The following NOL4 variants were observed in gnomAD, a reference collection of about 807,000 sequenced individuals.
NOL4 encodes nucleolar protein 4.
NOL4 carries 17 observed loss-of-function variants against 75.9 expected under a neutral mutation model. That is an observed-to-expected ratio of 0.22 (90% CI 0.15 to 0.34). NOL4 has a LOEUF of 0.34. Ranked by LOEUF, NOL4 falls within the 10% of genes least tolerant of loss-of-function variation. The probability of loss-of-function intolerance (pLI) is 1.00; values close to 1 mark genes in which losing one functional copy is unlikely to be tolerated. For synonymous variants in NOL4, 292 were observed against 289.9 expected (o/e 1.01, Z -0.07); for missense variants, 614 against 793.5 (o/e 0.77, Z 2.72).
chr18:34,212,499 G>A (rs975790398), intron 1 of NOL4, among the ~76,000 whole-genome samples: 1 of 152,086 alleles, frequency 6.6e-6, no homozygotes, highest in Admixed American at 6.5e-5. Context: ...CCATTTTATG[G>A]TGTAACAAAT....
chr18:33,996,814 T>C (rs988115732), intron 6 of NOL4, among the ~76,000 whole-genome samples: 4 of 151,926 alleles, frequency 2.6e-5, no homozygotes, highest in African/African-American at 7.2e-5. Context: ...CCACTGTTGA[T>C]GGGAACCTGG....
chr18:34,169,299 A>G (rs2032772995), intron 1 of NOL4, among the ~76,000 whole-genome samples: 1 of 152,032 alleles, frequency 6.6e-6, no homozygotes, highest in South Asian at 2.1e-4. Context: ...AAATAGAAGT[A>G]TTCTAAGCTC....
intron 5 of NOL4, among the ~76,000 whole-genome samples, chr18:34,079,688 G>A (rs1175518182): frequency 6.6e-6 from 1 of 151,836 alleles, no homozygotes; most frequent in African/African-American, 2.4e-5. Flanking sequence ...ACATATGATT[G>A]AACGATTAAC....
intron 9 of NOL4, among the ~76,000 whole-genome samples, chr18:33,905,808 A>C (rs1599820784): frequency 6.6e-6 from 1 of 152,308 alleles, no homozygotes; most frequent in African/African-American, 2.4e-5. Context: ...GGAACCCACA[A>C]GCCTACAAGG....
intron 5 of NOL4, among the ~76,000 whole-genome samples, chr18:34,062,550 G>T (rs1023859753): frequency 6.6e-6 from 1 of 152,030 alleles, no homozygotes; most frequent in Non-Finnish European, 1.5e-5. Flanking sequence ...AATAATGCCT[G>T]CCATTTCCAT....
chr18:33,875,059 A>T (rs1440370840), intron 10 of NOL4, among the ~76,000 whole-genome samples: 2 of 152,078 alleles, frequency 1.3e-5, no homozygotes, highest in African/African-American at 4.8e-5. Flanking sequence ...AGCCCAGTTT[A>T]TAACAGAGTT....
intron 2 of NOL4, among the ~76,000 whole-genome samples, chr18:34,106,292 C>G (rs1410354627): frequency 6.6e-6 from 1 of 151,970 alleles, no homozygotes; most frequent in African/African-American, 2.4e-5. Flanking sequence ...GAAGCCTAGC[C>G]TTGAGAAAAC....
intron 1 of NOL4, among the ~76,000 whole-genome samples, chr18:34,218,322 T>A (rs2146619971): frequency 6.6e-6 from 1 of 152,250 alleles, no homozygotes; most frequent in East Asian, 1.9e-4. Context: ...ACAGAAGAAA[T>A]ATATACGAGT....
chr18:33,907,606 A>G (rs2066143193), intron 9 of NOL4, among the ~76,000 whole-genome samples: 1 of 152,174 alleles, frequency 6.6e-6, no homozygotes, highest in African/African-American at 2.4e-5. Flanking sequence ...ATTTTTTTAT[A>G]GGAGTTAACC....
At chr18:34,057,701 A>C (rs2076889105) in intron 5 of NOL4, among the ~76,000 whole-genome samples, 1 of 152,242 alleles carries the variant, frequency 6.6e-6, no homozygotes, top group African/African-American at 2.4e-5. Context: ...TATTTCCTGA[A>C]GGAAGTTGCA....
At position 34,008,371 on chromosome 18, in the gene NOL4, G is replaced by GTCTGTCTATCTATCTA. The variant is rs1555690666; in HGVS notation, c.1056+10946_1056+10947insTAGATAGATAGACAGA. 4.4e-3 allele frequency among the ~76,000 whole-genome samples: 648 copies of GTCTGTCTATCTATCTA among 147,670 alleles called. 5 individuals are homozygous for GTCTGTCTATCTATCTA. Among genetic ancestry groups the GTCTGTCTATCTATCTA allele is most frequent in the African/African-American group, 0.011 (457 of 39,864 alleles). On this transcript the variant is annotated intron_variant, in intron 6 of 10. Coordinates refer to ENST00000261592, the MANE Select transcript of NOL4 (RefSeq NM_003787.5). The stretch of plus-strand genomic sequence containing the variant: ...ATAACATATCACTTTCTATCTGTCT[G>GTCTGTCTATCTATCTA]TCTATCTATCTATCTATCTATCTAT...
chr18:34,067,685 T>A (rs1226835635), intron 5 of NOL4, among the ~76,000 whole-genome samples: 1 of 152,176 alleles, frequency 6.6e-6, no homozygotes, highest in Non-Finnish European at 1.5e-5. Flanking sequence ...AATCCAAGTC[T>A]TTTGGTCGGA....
chr18:34,078,579 GAAGATAAAACATTTA>G lies in NOL4; in HGVS notation c.772+14871_772+14885del, dbSNP rs561133856. ...TCATTTCAAAAGGGGAAGTGTAGGAGAAGATAAAACATTTAATAATTCATGTTCAAGATAACTTAT... is the reference window on the plus strand; with the variant it reads ...TCATTTCAAAAGGGGAAGTGTAGGAGATAATTCATGTTCAAGATAACTTAT... On this transcript the variant is annotated intron_variant, in intron 5 of 10. Coordinates refer to ENST00000261592, the MANE Select transcript of NOL4 (RefSeq NM_003787.5). 2.2e-3 allele frequency among the ~76,000 whole-genome samples: 342 copies of G among 152,280 alleles called. 1 individual carries two copies. The highest frequency in any genetic ancestry group is 7.8e-3 in the African/African-American group (325 of 41,552).
At chr18:33,984,004 T>A (rs1437816136) in intron 6 of NOL4, among the ~76,000 whole-genome samples, 1 of 152,108 alleles carries the variant, frequency 6.6e-6, no homozygotes, top group Non-Finnish European at 1.5e-5. Context: ...TGAGACAGAC[T>A]AAAGAAATCA....
chr18:33,887,647 C>T (rs1014696158), intron 9 of NOL4, among the ~76,000 whole-genome samples: 18 of 151,790 alleles, frequency 1.2e-4, no homozygotes, highest in Non-Finnish European at 2.2e-4. Flanking sequence ...TCAGCTCCTA[C>T]CTATGAGTGA....
At chr18:34,077,030 G>A (rs930298744) in intron 5 of NOL4, among the ~76,000 whole-genome samples, 1 of 152,192 alleles carries the variant, frequency 6.6e-6, no homozygotes, top group Non-Finnish European at 1.5e-5. Context: ...ATGGGGCTAG[G>A]CACAGTGGTT....
At position 33,886,881 on chromosome 18, in the gene NOL4, A is replaced by G. The variant is rs1295643620; in HGVS notation, c.1543-3457T>C. Among the ~76,000 whole-genome samples the G allele has an allele frequency of 2.9e-5, 4 of 140,252 alleles. No individual in the cohort carries two copies. In the Admixed American group the frequency reaches 2.9e-4, roughly 10 times the overall value. The allele number at this position is 140,252 out of a possible 152,430, so 92.0% of individuals were successfully genotyped here. A position where few individuals can be genotyped will look rare whatever the true frequency, so the allele number is the denominator to read the frequency against. On this transcript the variant is annotated intron_variant, in intron 9 of 10. Transcript: ENST00000261592. ...CATATATCTATATACATATATATCTATATATCTAGATATATTATATCTAGA... is the reference window on the plus strand; with the variant it reads ...CATATATCTATATACATATATATCTGTATATCTAGATATATTATATCTAGA...
chr18:34,072,068 T>C (rs543753773), intron 5 of NOL4, among the ~76,000 whole-genome samples: 59 of 151,960 alleles, frequency 3.9e-4, no homozygotes, highest in African/African-American at 1.3e-3. Flanking sequence ...ACATCTCTAT[T>C]AAAAATACAA....
intron 2 of NOL4, among the ~76,000 whole-genome samples, chr18:34,113,464 A>G (rs1031136832): frequency 3.9e-5 from 6 of 152,016 alleles, no homozygotes; most frequent in African/African-American, 1.2e-4. Flanking sequence ...CATAGATCCT[A>G]TCTCTATATA....
Sources: gnomAD v4.1 joint callset for allele counts (sites outside exome capture counted in the v4.1 genomes callset) on GRCh38, gnomAD v4.1.1 for gene constraint, MANE v1.5 for transcripts, NCBI Gene and HGNC (gene_info 2026-07-23, HGNC 2026-07-21) for gene names.